Variants in CACNA2D1 observed in about 807,000 individuals in gnomAD.
CACNA2D1 encodes calcium voltage-gated channel auxiliary subunit alpha2delta 1, also known as voltage-dependent calcium channel subunit alpha-2/delta-1.
In CACNA2D1, 53 loss-of-function variants were observed where a neutral mutation model predicts 171.5. The ratio of observed to expected loss-of-function variants is 0.31; its 90% CI spans 0.25 to 0.39. The LOEUF (loss-of-function observed/expected upper bound fraction) is 0.39. CACNA2D1 is among the 10% of genes least tolerant of loss of function. The pLI is 1.00. For missense variants in CACNA2D1, 903 were observed against 1,299.8 expected, an observed-to-expected ratio of 0.69 and a Z score of 4.69; for synonymous variants, 442 against 443.1, an observed-to-expected ratio of 1.00 and a Z score of 0.03.
At chr7:82,409,995 A>G (rs1445767064) in intron 1 of CACNA2D1, among the ~76,000 whole-genome samples, 1 of 152,226 alleles carries the variant, frequency 6.6e-6, no homozygotes, top group Admixed American at 6.5e-5. Flanking sequence ...ATATTTAAAC[A>G]TATGTCAACA....
intron 5 of CACNA2D1, among the ~76,000 whole-genome samples, chr7:82,119,981 A>G (rs571978974): frequency 6.6e-6 from 1 of 152,318 alleles, no homozygotes; most frequent in East Asian, 1.9e-4. Flanking sequence ...CAGGAGTTCA[A>G]GAACATCCTG....
At chr7:82,244,473 G>A (rs1027255456) in intron 3 of CACNA2D1, among the ~76,000 whole-genome samples, 1 of 151,866 alleles carries the variant, frequency 6.6e-6, no homozygotes, top group Non-Finnish European at 1.5e-5. Context: ...GCTTAGTTTT[G>A]GTTTTCTACA....
chr7:81,995,274 A>G (rs1436150583), intron 19 of CACNA2D1, among the ~76,000 whole-genome samples: 2 of 152,196 alleles, frequency 1.3e-5, no homozygotes, highest in Non-Finnish European at 2.9e-5. Context: ...ATAGAAATGT[A>G]TATGTACAGA....
intron 23 of CACNA2D1, 140 bp downstream of exon 23, chr7:81,983,174 G>A: frequency 1.4e-6 from 1 of 694,444 alleles, no homozygotes. Context: ...CCATTTTTTT[G>A]CTGCTAAGTT....
At chr7:82,381,511 T>G (rs1479155341) in intron 1 of CACNA2D1, among the ~76,000 whole-genome samples, 1 of 152,170 alleles carries the variant, frequency 6.6e-6, no homozygotes, top group Non-Finnish European at 1.5e-5. Flanking sequence ...AGCCATGTTC[T>G]TGGACCACAA....
At chr7:82,031,121 GA>G (rs1301766582) in intron 12 of CACNA2D1, among the ~76,000 whole-genome samples, 6 of 151,566 alleles carry the variant, frequency 4.0e-5, no homozygotes, top group Admixed American at 1.3e-4. Flanking sequence ...CAATACTGTA[GA>G]TTTTTTTTTT....
intron 3 of CACNA2D1, among the ~76,000 whole-genome samples, chr7:82,228,988 G>A (rs1175293574): frequency 1.3e-5 from 2 of 152,114 alleles, no homozygotes; most frequent in African/African-American, 4.8e-5. Context: ...GCTTGAGAAT[G>A]ACTATTCCAT....
intron 25 of CACNA2D1, among the ~76,000 whole-genome samples, chr7:81,973,526 A>G (rs17155700): frequency 0.092 from 14,031 of 151,982 alleles, 683 homozygotes; most frequent in Middle Eastern, 0.2. Context: ...GACCCTTCCT[A>G]ATAGAAAGAT....
At chr7:82,044,280 A>G (rs750850362) in intron 10 of CACNA2D1, among the ~76,000 whole-genome samples, 2 of 152,162 alleles carry the variant, frequency 1.3e-5, no homozygotes, top group Non-Finnish European at 2.9e-5. Flanking sequence ...TCTTTAGGGT[A>G]CTTTGTACAT....
intron 5 of CACNA2D1, 33 bp downstream of exon 5, chr7:82,136,601 TC>T: frequency 6.6e-7 from 1 of 1,516,378 alleles, no homozygotes; most frequent in Non-Finnish European, 9.1e-7. Flanking sequence ...ACTATAATTT[TC>T]TTGGAATTTA....
chr7:81,980,827 G>T (rs1178250987), intron 24 of CACNA2D1, among the ~76,000 whole-genome samples: 1 of 152,082 alleles, frequency 6.6e-6, no homozygotes, highest in Non-Finnish European at 1.5e-5. Flanking sequence ...CAAGAGAAAG[G>T]AAGCAGAGAA....
chr7:82,277,745 C>CTT (rs1186719410), intron 3 of CACNA2D1, among the ~76,000 whole-genome samples: 14,871 of 141,478 alleles, frequency 0.11, 1,405 homozygotes, highest in African/African-American at 0.22. Flanking sequence ...TAATTTTTTA[C>CTT]TTTTATTTTT....
At chr7:82,203,086 T>C (rs1376582046) in intron 3 of CACNA2D1, among the ~76,000 whole-genome samples, 1 of 152,098 alleles carries the variant, frequency 6.6e-6, no homozygotes, top group Non-Finnish European at 1.5e-5. Context: ...GCTGCAGCCA[T>C]GCAGGGAGTA....
At chr7:81,986,746 A>G (rs1394053932) in intron 21 of CACNA2D1, among the ~76,000 whole-genome samples, 3 of 152,168 alleles carry the variant, frequency 2.0e-5, no homozygotes, top group Non-Finnish European at 4.4e-5. Context: ...GAAAATTTCT[A>G]TATTCATTTT....
chr7:82,387,121 T>C (rs941690652), intron 1 of CACNA2D1, among the ~76,000 whole-genome samples: 13 of 152,166 alleles, frequency 8.5e-5, no homozygotes, highest in African/African-American at 3.1e-4. Flanking sequence ...CAAATGGTCA[T>C]ATGTCTTTTA....
At chr7:82,386,360 C>T (rs1003131933) in intron 1 of CACNA2D1, among the ~76,000 whole-genome samples, 1 of 152,134 alleles carries the variant, frequency 6.6e-6, no homozygotes, top group African/African-American at 2.4e-5. Flanking sequence ...AATACATTTG[C>T]ACATGAGATT....
intron 6 of CACNA2D1, among the ~76,000 whole-genome samples, chr7:82,100,676 AT>A (rs1170492270): frequency 6.6e-6 from 1 of 152,186 alleles, no homozygotes; most frequent in Non-Finnish European, 1.5e-5. Context: ...AGATATACAT[AT>A]ATGAAGTGTA....
chr7:82,156,311 A>T (rs912763568), intron 4 of CACNA2D1, among the ~76,000 whole-genome samples: 2 of 151,916 alleles, frequency 1.3e-5, no homozygotes, highest in Non-Finnish European at 2.9e-5. Context: ...CTAGCTTTCT[A>T]TTTACTTTTG....
intron 1 of CACNA2D1, among the ~76,000 whole-genome samples, chr7:82,437,135 T>G (rs1830169435): frequency 6.6e-6 from 1 of 152,182 alleles, no homozygotes. Flanking sequence ...AATTGAGGTC[T>G]GATCATGGGT....
Sources: gnomAD v4.1 joint callset for allele counts (sites outside exome capture counted in the v4.1 genomes callset) on GRCh38, gnomAD v4.1.1 for gene constraint, MANE v1.5 for transcripts, NCBI Gene and HGNC (gene_info 2026-07-23, HGNC 2026-07-21) for gene names.